The following MDM2 variants were observed in gnomAD, a reference collection of about 807,000 sequenced individuals.
MDM2 encodes the protein E3 ubiquitin-protein ligase Mdm2.
Under a neutral mutation model 64.3 loss-of-function variants are expected in MDM2, and 11 were observed. The ratio of observed to expected loss-of-function variants is 0.17; its 90% CI spans 0.11 to 0.28. MDM2 has a LOEUF of 0.28. MDM2 is among the 10% of genes least tolerant of loss of function. The pLI is 1.00. For missense variants in MDM2, 388 were observed against 577.1 expected, an observed-to-expected ratio of 0.67 and a Z score of 3.36; for synonymous variants, 194 against 192.9, an observed-to-expected ratio of 1.01 and a Z score of -0.05.
chr12:68,819,024 G>T (rs976083459), intron 4 of MDM2, among the ~76,000 whole-genome samples: 14 of 152,102 alleles, frequency 9.2e-5, no homozygotes, highest in Non-Finnish European at 1.6e-4. Flanking sequence ...GAGCCACTGT[G>T]CCTGGTCTGA....
chr12:68,832,092 G>A (rs1478906241), intron 8 of MDM2, among the ~76,000 whole-genome samples: 2 of 152,014 alleles, frequency 1.3e-5, no homozygotes, highest in East Asian at 1.9e-4. Context: ...ACAAAATCTC[G>A]TTTTTCAGGT....
intron 5 of MDM2, among the ~76,000 whole-genome samples, chr12:68,820,811 C>T (rs1043133182): frequency 6.6e-6 from 1 of 152,018 alleles, no homozygotes; most frequent in South Asian, 2.1e-4. Context: ...TTCCTACTTC[C>T]GTTTCTTAAC....
In MDM2 at chr12:68,829,680, C is replaced by T. The variant is rs539724891; in HGVS notation, c.684+749C>T. On this transcript the variant is annotated intron_variant, in intron 8 of 10. Transcript: ENST00000258149. ...ACTTGGGGGCCTGAGGCAGGAGAATCGCTCGAACCCAGGAGTTGGAGGTTG... is the reference window on the plus strand; with the variant it reads ...ACTTGGGGGCCTGAGGCAGGAGAATTGCTCGAACCCAGGAGTTGGAGGTTG... 3.3e-5 allele frequency among the ~76,000 whole-genome samples: 5 copies of T among 151,332 alleles called. No homozygotes were observed. In the East Asian group the frequency reaches 7.8e-4, roughly 24 times the overall value.
intron 1 of MDM2, chr12:68,808,875 A>T (rs1880602344): frequency 7.4e-7 from 1 of 1,353,802 alleles, no homozygotes; most frequent in Non-Finnish European, 9.5e-7. Context: ...TCTGGGCGGG[A>T]TTGGGCCGGT....
chr12:68,849,861 C>T (rs1884582701), downstream of MDM2: 1 of 152,418 alleles, frequency 6.6e-6, no homozygotes, highest in Non-Finnish European at 1.5e-5. Context: ...GATCCAGTCG[C>T]CTCGGCCTCC....
Position 68,840,501 on chromosome 12 carries a change from T to A in MDM2, c.*652T>A, listed in dbSNP as rs1397149326. ...AAAATGTGTGAAAGATTTAGTTTTT[T>A]GTTTTTTTGTTTGTTTGTTTGTTTG... On this transcript the variant is annotated 3_prime_UTR_variant, in exon 11 of 11. Coordinates refer to ENST00000258149, the MANE Select transcript of MDM2 (RefSeq NM_002392.6). 1.0e-5 allele frequency: 2 copies of A among 191,248 alleles called. No individual in the cohort carries two copies. 11.8% of individuals were successfully genotyped at this position (191,248 alleles called of 1,614,324 possible).
intron 7 of MDM2, among the ~76,000 whole-genome samples, chr12:68,827,316 A>G (rs951320543): frequency 1.3e-5 from 2 of 151,666 alleles, no homozygotes; most frequent in Non-Finnish European, 1.5e-5. Context: ...TTTTTTTTCT[A>G]TTACTCAAGT....
chr12:68,809,150 A>G, intron 1 of MDM2, 58 bp from the exon 2 acceptor site: 1 of 1,602,992 alleles, frequency 6.2e-7, no homozygotes, highest in Non-Finnish European at 8.5e-7. Context: ...TATATGATGT[A>G]TTTTCCACAG....
intron 2 of MDM2, among the ~76,000 whole-genome samples, chr12:68,811,935 G>T (rs957512614): frequency 6.6e-6 from 1 of 151,322 alleles, no homozygotes; most frequent in Non-Finnish European, 1.5e-5. Context: ...TAATAGAGAC[G>T]GAGTTTCACT....
downstream of MDM2, chr12:68,847,608 C>A (rs577791118): frequency 1.3e-5 from 2 of 151,616 alleles, no homozygotes; most frequent in Admixed American, 1.3e-4. Flanking sequence ...CGCCCGCCAC[C>A]GCGCCTGGCT....
intron 10 of MDM2, 116 bp downstream of exon 10, chr12:68,836,865 T>C: frequency 1.5e-6 from 1 of 664,064 alleles, no homozygotes; most frequent in Non-Finnish European, 2.6e-6. Context: ...AATGTTTTTG[T>C]AAAGTCTGAA....
chr12:68,847,072 T>G (rs1884345044), downstream of MDM2: 1 of 149,304 alleles, frequency 6.7e-6, no homozygotes, highest in African/African-American at 2.5e-5. Context: ...TGCAGCCTCC[T>G]GAGTAGCTGG....
chr12:68,824,331 C>A (rs754186779), intron 5 of MDM2, 32 bp from the exon 6 acceptor site: 10 of 1,593,172 alleles, frequency 6.3e-6, no homozygotes, highest in African/African-American at 1.3e-5. Context: ...CCGCCCACCA[C>A]CAAGTTTCTG....
intron 2 of MDM2, among the ~76,000 whole-genome samples, chr12:68,809,812 T>C (rs1880704731): frequency 6.6e-6 from 1 of 152,220 alleles, no homozygotes; most frequent in South Asian, 2.1e-4. Flanking sequence ...CTGTAGTTGT[T>C]CTGTGACTTG....
downstream of MDM2, chr12:68,847,663 C>T (rs1884424993): frequency 6.6e-6 from 1 of 151,666 alleles, no homozygotes; most frequent in Admixed American, 6.6e-5. Flanking sequence ...CCGTGTTAGC[C>T]AAGATGGTCT....
chr12:68,809,299 A>G lies in MDM2; in HGVS notation c.99+7A>G. The stretch of plus-strand genomic sequence containing the variant: ...TTCGGAACAAGAGACCCTGGTTAGT[A>G]TTTTTGTCTCGTGTAACTTTTAAGA... On this transcript the variant is annotated splice_region_variant and intron_variant, in intron 2 of 10. Coordinates refer to ENST00000258149, the MANE Select transcript of MDM2 (RefSeq NM_002392.6). 1 of 1,612,204 alleles carries G rather than the reference A, an allele frequency of 6.2e-7. No homozygotes were observed. Among genetic ancestry groups the G allele is most frequent in the South Asian group, 1.1e-5 (1 of 90,978 alleles).
At position 68,842,504 on chromosome 12, in the gene MDM2, T is replaced by G; in HGVS notation, c.*2655T>G. The G allele has an allele frequency of 2.6e-6, 1 of 384,500 alleles. No individual in the cohort carries two copies. Among genetic ancestry groups the G allele is most frequent in the East Asian group, 5.1e-5 (1 of 19,760 alleles). 23.8% of individuals were successfully genotyped at this position (384,500 alleles called of 1,614,324 possible). A position where few individuals can be genotyped will look rare whatever the true frequency, so the allele number is the denominator to read the frequency against. On this transcript the variant is annotated 3_prime_UTR_variant, in exon 11 of 11. Transcript: ENST00000258149. ...TAAGGTCACTCCGATGAAAGGTGAT[T>G]ACAAAATCATCTACATTGCTGTCTA...
rs977052034 is a variant in MDM2 at position 68,808,383 on chromosome 12, G to A, written c.-95G>A. The A allele has an allele frequency of 1.9e-5, 29 of 1,538,734 alleles. No homozygotes were observed. The highest frequency in any genetic ancestry group is 2.6e-5 in the Non-Finnish European group (29 of 1,114,662). ...AGTGCCCTGGCCCGGAGAGTGGAAT[G>A]ATCCCCGAGGCCCAGGGCGTCGTGC... On this transcript the variant is annotated 5_prime_UTR_variant, in exon 1 of 11. It removes an upstream start codon present in the reference 5' UTR. Coordinates refer to ENST00000258149, the MANE Select transcript of MDM2 (RefSeq NM_002392.6).
Position 68,845,361 on chromosome 12 carries a change from A to G in MDM2, c.*5512A>G, listed in dbSNP as rs965561108. The stretch of plus-strand genomic sequence containing the variant: ...GATATCTGAAAGCACCAGCACTTGG[A>G]AGGTGTTCAGAAGTAACAAATTATA... On this transcript the variant is annotated 3_prime_UTR_variant, in exon 11 of 11. Transcript: ENST00000258149. 1.4e-5 allele frequency: 3 copies of G among 212,062 alleles called. No homozygotes were observed. Among genetic ancestry groups the G allele is most frequent in the African/African-American group, 6.8e-5 (3 of 44,036 alleles). The allele number at this position is 212,062 out of a possible 1,614,324, so 13.1% of individuals were successfully genotyped here. A position where few individuals can be genotyped will look rare whatever the true frequency, so the allele number is the denominator to read the frequency against.
Sources: allele counts gnomAD v4.1 joint callset (sites outside exome capture counted in the v4.1 genomes callset), GRCh38; gene constraint gnomAD v4.1.1; transcripts MANE v1.5; gene names NCBI Gene and HGNC (gene_info 2026-07-23, HGNC 2026-07-21).